TMEM165: variants seen among roughly 807,000 people sequenced by gnomAD.
TMEM165 encodes transmembrane protein 165.
Under a neutral mutation model 30.0 loss-of-function variants are expected in TMEM165, and 19 were observed. That is an observed-to-expected ratio of 0.63 (90% CI 0.44 to 0.93). The LOEUF (loss-of-function observed/expected upper bound fraction) is 0.93. Ranked by LOEUF, TMEM165 falls within the 40% of genes least tolerant of loss-of-function variation. The pLI is 0.00. For synonymous variants in TMEM165, 168 were observed against 162.9 expected, an observed-to-expected ratio of 1.03 and a Z score of -0.24; for missense variants, 340 against 417.0, an observed-to-expected ratio of 0.82 and a Z score of 1.61.
rs148281910 is a variant in TMEM165 at position 55,422,361 on chromosome 4, G to A, written c.793-2177G>A. 6.6e-3 allele frequency among the ~76,000 whole-genome samples: 1,000 copies of A among 152,080 alleles called. 17 individuals carry two copies. The highest frequency in any genetic ancestry group is 0.022 in the African/African-American group (910 of 41,492). The stretch of plus-strand genomic sequence containing the variant: ...CAACCTCTGCTTCCTGGGTCCAAGC[G>A]ATTCTTCTGCCTCAGCCTCCCGAGT... On this transcript the variant is annotated intron_variant, in intron 4 of 5. Coordinates refer to ENST00000381334, the MANE Select transcript of TMEM165 (RefSeq NM_018475.5).
chr4:55,401,615 C>T (rs1403287049), intron 1 of TMEM165, among the ~76,000 whole-genome samples: 1 of 150,490 alleles, frequency 6.6e-6, no homozygotes, highest in Admixed American at 6.6e-5. Flanking sequence ...AGAGTACCTT[C>T]TACAAAACAT....
At position 55,396,513 on chromosome 4, in the gene TMEM165, C is replaced by T. The variant is rs1720736273; in HGVS notation, c.207+117C>T. 3 of 885,876 alleles carry T rather than the reference C, an allele frequency of 3.4e-6. No individual in the cohort carries two copies. The South Asian group carries it at 7.3e-5, about 21-fold the overall frequency. The allele number at this position is 885,876 out of a possible 1,614,324, so 54.9% of individuals were successfully genotyped here. ...CCTCGGCTGGGGGAGGGGAGCCCGG[C>T]CCCTGCTCCCGGGGTGGAGGGCGGT... On this transcript the variant is annotated intron_variant, in intron 1 of 5. Coordinates refer to ENST00000381334, the MANE Select transcript of TMEM165 (RefSeq NM_018475.5).
At chr4:55,427,322 C>T (rs1159267440), downstream of TMEM165, among the ~76,000 whole-genome samples, 1 of 150,870 alleles carries the variant, frequency 6.6e-6, no homozygotes, top group East Asian at 2.0e-4. Context: ...AGGCGTGAGC[C>T]ACCATGCTTG....
At chr4:55,422,448 G>C (rs1722020353) in intron 4 of TMEM165, among the ~76,000 whole-genome samples, 1 of 151,962 alleles carries the variant, frequency 6.6e-6, no homozygotes, top group Non-Finnish European at 1.5e-5. Context: ...AGTAAAGATG[G>C]GGTTTCACCA....
At chr4:55,416,991 A>G in intron 2 of TMEM165, 81 bp from the exon 3 acceptor site, 1 of 1,266,734 alleles carries the variant, frequency 7.9e-7, no homozygotes, top group Non-Finnish European at 1.1e-6. Flanking sequence ...TAACAGTGAT[A>G]AATTATTATT....
At chr4:55,400,256 T>TTATA (rs1553884913) in intron 1 of TMEM165, among the ~76,000 whole-genome samples, 1 of 52,390 alleles carries the variant, frequency 1.9e-5, no homozygotes, top group African/African-American at 6.6e-5. Flanking sequence ...TTATATTATA[T>TTATA]TAATATATAA....
chr4:55,418,481 G>A (rs554319468), intron 4 of TMEM165, among the ~76,000 whole-genome samples: 52 of 150,056 alleles, frequency 3.5e-4, no homozygotes, highest in Non-Finnish European at 6.1e-4. Flanking sequence ...CTGTGTTCGC[G>A]CCACTGCACT....
At chr4:55,443,331 C>T (rs969701857) in intron 3 of TMEM165, among the ~76,000 whole-genome samples, 1 of 151,954 alleles carries the variant, frequency 6.6e-6, no homozygotes, top group African/African-American at 2.4e-5. Context: ...GAAAATCAGC[C>T]TGGCATGGTG....
chr4:55,432,279 C>T (rs938027716), intron 3 of TMEM165: 2 of 151,960 alleles, frequency 1.3e-5, no homozygotes, highest in Non-Finnish European at 2.9e-5. Context: ...TAAGGAGCAA[C>T]TTTATTAACC....
intron 2 of TMEM165, 187 bp downstream of exon 2, chr4:55,412,026 C>T (rs560450538): frequency 4.5e-5 from 29 of 640,052 alleles, no homozygotes; most frequent in Admixed American, 1.2e-4. Context: ...TACCCCCTCT[C>T]GCATAGTTGT....
At chr4:55,441,785 G>A (rs1022590332) in intron 3 of TMEM165, among the ~76,000 whole-genome samples, 1 of 152,138 alleles carries the variant, frequency 6.6e-6, no homozygotes, top group African/African-American at 2.4e-5. Flanking sequence ...CTACTCAGGT[G>A]ATCAGTGCAC....
At chr4:55,409,603 G>A (rs1035238526) in intron 1 of TMEM165, among the ~76,000 whole-genome samples, 12 of 152,082 alleles carry the variant, frequency 7.9e-5, no homozygotes, top group African/African-American at 2.9e-4. Context: ...CAGCGTTTCT[G>A]GCCTCTACCC....
intron 3 of TMEM165, among the ~76,000 whole-genome samples, chr4:55,436,981 T>TC (rs955123639): frequency 5.4e-5 from 8 of 148,604 alleles, no homozygotes; most frequent in African/African-American, 2.0e-4. Context: ...TTAAGGCAGG[T>TC]CCTCTCCTTT....
chr4:55,399,164 A>G (rs1422994716), intron 1 of TMEM165: 2 of 152,238 alleles, frequency 1.3e-5, no homozygotes, highest in South Asian at 2.1e-4. Flanking sequence ...ACAGAGAGAT[A>G]TAATGCAGTG....
intron 1 of TMEM165, among the ~76,000 whole-genome samples, chr4:55,409,309 C>T (rs907733848): frequency 6.6e-5 from 10 of 152,126 alleles, no homozygotes; most frequent in Non-Finnish European, 1.0e-4. Context: ...ATGACATGCA[C>T]ACTAAGAATT....
At chr4:55,407,751 A>G (rs933629119) in intron 1 of TMEM165, among the ~76,000 whole-genome samples, 4 of 152,272 alleles carry the variant, frequency 2.6e-5, no homozygotes, top group Admixed American at 2.6e-4. Context: ...TTCTTAAAAC[A>G]GTGAAGTAAC....
At chr4:55,411,203 T>A (rs1721481539) in intron 1 of TMEM165, among the ~76,000 whole-genome samples, 1 of 152,038 alleles carries the variant, frequency 6.6e-6, no homozygotes, top group African/African-American at 2.4e-5. Flanking sequence ...CTTAAAATTG[T>A]TTTGGAGAAT....
intron 1 of TMEM165, among the ~76,000 whole-genome samples, chr4:55,403,985 TCTTAA>T (rs67451844): frequency 0.42 from 63,886 of 150,434 alleles, 14,954 homozygotes; most frequent in East Asian, 0.88. Flanking sequence ...ATTCATTTAA[TCTTAA>T]CTTGACTATT....
At chr4:55,401,471 AAAG>A (rs1426724892) in intron 1 of TMEM165, among the ~76,000 whole-genome samples, 17 of 150,812 alleles carry the variant, frequency 1.1e-4, no homozygotes, top group Non-Finnish European at 2.2e-4. Context: ...CTGGAAGTCC[AAAG>A]AAGAATGACT....
Sources: gnomAD v4.1 joint callset for allele counts (sites outside exome capture counted in the v4.1 genomes callset) on GRCh38, gnomAD v4.1.1 for gene constraint, MANE v1.5 for transcripts, NCBI Gene and HGNC (gene_info 2026-07-23, HGNC 2026-07-21) for gene names.